The following USP13 variants were observed in gnomAD, a reference collection of about 807,000 sequenced individuals.
USP13 encodes ubiquitin carboxyl-terminal hydrolase 13.
In USP13, 68 loss-of-function variants were observed where a neutral mutation model predicts 107.8. The observed-to-expected ratio is 0.63, with a 90% CI of 0.52 to 0.77. USP13 has a LOEUF of 0.77. Among genes scored for constraint, USP13 ranks in the 30% least tolerant of loss-of-function variants. The pLI, the probability that USP13 is intolerant of heterozygous loss-of-function variation, is 0.00. For synonymous variants in USP13, 377 were observed against 389.5 expected, an observed-to-expected ratio of 0.97 and a Z score of 0.38; for missense variants, 945 against 1,093.3, an observed-to-expected ratio of 0.86 and a Z score of 1.91.
intron 19 of USP13, among the ~76,000 whole-genome samples, chr3:179,770,137 G>T (rs1425201091): frequency 6.6e-6 from 1 of 152,124 alleles, no homozygotes; most frequent in Admixed American, 6.5e-5. Flanking sequence ...CCTTTGGCCA[G>T]TTTCCCACTT....
intron 19 of USP13, among the ~76,000 whole-genome samples, chr3:179,769,343 A>AT (rs1259400750): frequency 6.6e-6 from 1 of 152,236 alleles, no homozygotes; most frequent in African/African-American, 2.4e-5. Context: ...AGACCACATT[A>AT]TTACAGAAAG....
intron 13 of USP13, 36 bp from the exon 14 acceptor site, chr3:179,752,249 C>T (rs902846287): frequency 1.9e-6 from 3 of 1,571,030 alleles, no homozygotes; most frequent in Non-Finnish European, 8.7e-7. Flanking sequence ...ATTCTTATTG[C>T]CTTGTTTCAT....
In USP13 at chr3:179,681,970, T is replaced by C; in HGVS notation, c.261T>C (p.Ser87=). ...VERHFRKTGQ[S]VYMHLKRHVR... ...GACATTTTCGAAAAACTGGACAGAGTGTATACATGCACCTGAAAAGACATG... is the reference window on the plus strand; with the variant it reads ...GACATTTTCGAAAAACTGGACAGAGCGTATACATGCACCTGAAAAGACATG... The change falls in exon 2 of 21, where the codon AGT becomes AGC. Residue 87 remains serine (S), a synonymous_variant. Transcript: ENST00000263966. 9 of 1,613,688 alleles carry C rather than the reference T, an allele frequency of 5.6e-6. No homozygotes were observed. In the South Asian group the frequency reaches 9.9e-5, roughly 18 times the overall value.
intron 4 of USP13, among the ~76,000 whole-genome samples, chr3:179,705,848 G>A (rs1177806273): frequency 6.6e-6 from 1 of 151,846 alleles, no homozygotes; most frequent in Non-Finnish European, 1.5e-5. Flanking sequence ...TCAGTCTCCT[G>A]AGTAGCTGGG....
intron 20 of USP13, among the ~76,000 whole-genome samples, chr3:179,782,328 G>A (rs1351832401): frequency 6.6e-6 from 1 of 152,138 alleles, no homozygotes; most frequent in Non-Finnish European, 1.5e-5. Flanking sequence ...GATGTAACTG[G>A]GTAACCTGTG....
chr3:179,656,623 C>G (rs1192783064), intron 1 of USP13, among the ~76,000 whole-genome samples: 1 of 152,228 alleles, frequency 6.6e-6, no homozygotes, highest in South Asian at 2.1e-4. Flanking sequence ...GTTCACCTCT[C>G]CATGGTTTGG....
intron 1 of USP13, among the ~76,000 whole-genome samples, chr3:179,664,711 A>G (rs560520607): frequency 1.3e-5 from 2 of 152,358 alleles, no homozygotes; most frequent in South Asian, 2.1e-4. Context: ...TGTAACAATG[A>G]CAAGAATTTA....
At chr3:179,724,942 G>T (rs368912105) in intron 8 of USP13, among the ~76,000 whole-genome samples, 1 of 152,158 alleles carries the variant, frequency 6.6e-6, no homozygotes, top group African/African-American at 2.4e-5. Flanking sequence ...ATTTTTGGCT[G>T]GGCATGGTGG....
In USP13 at chr3:179,764,760, A is replaced by C. The variant is rs116132123; in HGVS notation, c.2259+592A>C. On this transcript the variant is annotated intron_variant, in intron 18 of 20. Coordinates refer to ENST00000263966, the MANE Select transcript of USP13 (RefSeq NM_003940.3). ...TATCTGTTTAATCTTGAGGGAAGGT[A>C]CTTAAAAAACAAAACAAAACCCATC... Among the ~76,000 whole-genome samples, 533 of 152,292 alleles carry C rather than the reference A, an allele frequency of 3.5e-3. 2 individuals carry two copies. The highest frequency in any genetic ancestry group is 5.7e-3 in the Non-Finnish European group (389 of 68,016).
At chr3:179,774,477 C>G (rs1307008675) in intron 19 of USP13, among the ~76,000 whole-genome samples, 1 of 152,102 alleles carries the variant, frequency 6.6e-6, no homozygotes, top group Non-Finnish European at 1.5e-5. Flanking sequence ...AAGCTGCAGA[C>G]CTTCACGGCA....
chr3:179,764,885 C>A (rs1003787379), intron 18 of USP13, among the ~76,000 whole-genome samples: 4 of 152,184 alleles, frequency 2.6e-5, no homozygotes, highest in African/African-American at 9.6e-5. Context: ...TTGCTGAGGT[C>A]ACAGTGGCTC....
At chr3:179,764,540 G>C (rs893557558) in intron 18 of USP13, among the ~76,000 whole-genome samples, 4 of 152,084 alleles carry the variant, frequency 2.6e-5, no homozygotes, top group African/African-American at 9.7e-5. Context: ...GAGATAGAAT[G>C]CTTTTCTGAT....
At chr3:179,711,718 A>T (rs941473742) in intron 6 of USP13, among the ~76,000 whole-genome samples, 3 of 152,144 alleles carry the variant, frequency 2.0e-5, no homozygotes, top group African/African-American at 7.2e-5. Flanking sequence ...TGGACCTGTC[A>T]TCTCCTATGA....
chr3:179,777,029 T>C (rs1560084269), intron 19 of USP13, among the ~76,000 whole-genome samples: 1 of 152,118 alleles, frequency 6.6e-6, no homozygotes, highest in Non-Finnish European at 1.5e-5. Flanking sequence ...GAGATTCTCT[T>C]TTGTTGTTGT....
rs142192254 is a variant in USP13 at position 179,701,237 on chromosome 3, T to C, written c.477+108T>C. 1.6e-5 allele frequency: 20 copies of C among 1,284,410 alleles called. No individual in the cohort carries two copies. In the East Asian group the frequency reaches 4.8e-4, roughly 31 times the overall value. The allele number at this position is 1,284,410 out of a possible 1,614,324, so 79.6% of individuals were successfully genotyped here. On this transcript the variant is annotated intron_variant, in intron 4 of 20. Transcript: ENST00000263966. ...GGTGGGGTGGGGTGGGAAAAGCCGG[T>C]TGAATGAGAGAAGAGGATGAAAATG...
chr3:179,773,942 G>C (rs553142783), intron 19 of USP13, among the ~76,000 whole-genome samples: 1 of 152,126 alleles, frequency 6.6e-6, no homozygotes, highest in Non-Finnish European at 1.5e-5. Flanking sequence ...TTAATCAGTA[G>C]TGTGTTAGTA....
intron 16 of USP13, among the ~76,000 whole-genome samples, chr3:179,760,090 C>G (rs1473135049): frequency 6.6e-6 from 1 of 152,016 alleles, no homozygotes; most frequent in Non-Finnish European, 1.5e-5. Context: ...ATGGAAAACC[C>G]AAGGGATATA....
chr3:179,699,336 C>A (rs1712424972), intron 3 of USP13, among the ~76,000 whole-genome samples: 1 of 151,952 alleles, frequency 6.6e-6, no homozygotes, highest in South Asian at 2.1e-4. Flanking sequence ...GTCAAATGAA[C>A]CTCACTTCTA....
rs1391458641 is a variant in USP13 at position 179,764,129 on chromosome 3, A to C, written c.2220A>C (p.Gly740=). Residue 740 remains glycine, a synonymous_variant, in exon 18 of 21, where the codon GGA becomes GGC. Coordinates refer to ENST00000263966, the MANE Select transcript of USP13 (RefSeq NM_003940.3). ...TCGTAGCTATCATCACCTCCATGGG[A>C]TTTCAGCGAAATCAGGCTATTCAGG... The part of the protein sequence containing the change: ...EEIVAIITSM[G]FQRNQAIQAL... 3 of 1,613,718 alleles carry C rather than the reference A, an allele frequency of 1.9e-6. No individual in the cohort carries two copies. Among genetic ancestry groups the C allele is most frequent in the Middle Eastern group, 1.7e-4 (1 of 6,060 alleles).
Sources: allele counts gnomAD v4.1 joint callset (sites outside exome capture counted in the v4.1 genomes callset), GRCh38; gene constraint gnomAD v4.1.1; transcripts MANE v1.5; gene names NCBI Gene and HGNC (gene_info 2026-07-23, HGNC 2026-07-21).